Variants in TAF6 observed in about 807,000 individuals in gnomAD.
The protein encoded by TAF6 is TATA-box binding protein associated factor 6, also known as transcription initiation factor TFIID subunit 6.
In TAF6, 50 loss-of-function variants were observed where a neutral mutation model predicts 73.5. The ratio of observed to expected loss-of-function variants is 0.68; its 90% CI spans 0.54 to 0.86. TAF6 has a LOEUF of 0.86. TAF6 is among the 40% of genes least tolerant of loss of function. The pLI is 0.00. For missense variants in TAF6, 768 were observed against 899.5 expected (o/e 0.85, Z 1.87); for synonymous variants, 424 against 376.7 (o/e 1.13, Z -1.45).
upstream of TAF6, chr7:100,119,802 T>G: frequency 6.2e-7 from 1 of 1,614,122 alleles, no homozygotes; most frequent in Non-Finnish European, 8.5e-7. Context: ...GCACGAGGCT[T>G]GGGCTGGGAT....
intron 1 of TAF6, among the ~76,000 whole-genome samples, chr7:100,114,885 C>T (rs184874703): frequency 1.3e-5 from 2 of 152,190 alleles, no homozygotes; most frequent in Non-Finnish European, 2.9e-5. Flanking sequence ...TATGCAGGCA[C>T]AGGGCTGTTG....
rs376394639 is a variant in TAF6 at position 100,107,549 on chromosome 7, G to A, written c.1731C>T (p.Ser577=). ...AGACCAACTTGACGATGGGCTGCAC[G>A]CTGGGGACGGTGGTGGTGACGGGCG... The part of the protein sequence containing the change: ...TTSPVTTTVP[S]VQPIVKLVST... The change falls in exon 15 of 15, where the codon AGC becomes AGT. Residue 577 remains serine, a synonymous_variant. Coordinates refer to ENST00000453269, the MANE Select transcript of TAF6 (RefSeq NM_139315.3). The A allele has an allele frequency of 3.5e-5, 56 of 1,613,962 alleles. No individual in the cohort carries two copies. Among genetic ancestry groups the A allele is most frequent in the Middle Eastern group, 1.6e-4 (1 of 6,078 alleles).
At chr7:100,120,310 G>A, upstream of TAF6, 1 of 154,446 alleles carries the variant, frequency 6.5e-6, no homozygotes, top group South Asian at 1.9e-4. Flanking sequence ...GAGGGGGTTT[G>A]AGGGTGAGTA....
upstream of TAF6, chr7:100,122,829 G>C (rs748481588): frequency 4.3e-6 from 7 of 1,614,022 alleles, no homozygotes; most frequent in East Asian, 6.7e-5. Flanking sequence ...AGTGCAGAAG[G>C]GGGTGAAGGT....
chr7:100,116,259 T>C (rs1292823019), intron 1 of TAF6, among the ~76,000 whole-genome samples: 1 of 152,006 alleles, frequency 6.6e-6, no homozygotes, highest in South Asian at 2.1e-4. Context: ...GCTCAGCTCA[T>C]GCCTGTAATC....
At chr7:100,111,672 G>T in intron 9 of TAF6, 56 bp downstream of exon 9, 2 of 1,567,690 alleles carry the variant, frequency 1.3e-6, no homozygotes, top group Non-Finnish European at 1.8e-6. Context: ...CTGACTTCCT[G>T]TTGGTGGCAG....
chr7:100,114,377 C>T lies in TAF6; in HGVS notation c.-59-109G>A, dbSNP rs1797502083. On this transcript the variant is annotated intron_variant, in intron 1 of 14. Transcript: ENST00000453269. ...GGGAGGAACTCCGAGTGTCTTATGT[C>T]CATCCCCACGTGAGTCAGCCCTGAG... 6 of 1,118,568 alleles carry T rather than the reference C, an allele frequency of 5.4e-6. No homozygotes were observed. In the East Asian group the frequency reaches 1.3e-4, roughly 24 times the overall value. 69.3% of individuals were successfully genotyped at this position (1,118,568 alleles called of 1,614,324 possible).
At chr7:100,110,315 AAGGATGATTGAC>A in intron 10 of TAF6, 41 bp from the exon 11 acceptor site, 3 of 1,606,238 alleles carry the variant, frequency 1.9e-6, no homozygotes, top group Non-Finnish European at 1.7e-6. Flanking sequence ...AGGGGTCTGA[AAGGATGATTGAC>A]AGGGACCTAA....
rs145591068 is a variant in TAF6 at position 100,107,510 on chromosome 7, G to A, written c.1770C>T (p.Thr590=). 370 of 1,614,134 alleles carry A rather than the reference G, an allele frequency of 2.3e-4. 6 individuals are homozygous for A. The Middle Eastern group carries it at 9.6e-3, about 42-fold the overall frequency. Residue 590 remains threonine, a synonymous_variant, in exon 15 of 15, where the codon ACC becomes ACT. Coordinates refer to ENST00000453269, the MANE Select transcript of TAF6 (RefSeq NM_139315.3). ...PIVKLVSTAT[T]APPSTAPSGP... ...CAGAGGGAGCAGTGCTGGGGGGTGCGGTGGTGGCGGTGGAGACCAACTTGA... is the reference window on the plus strand; with the variant it reads ...CAGAGGGAGCAGTGCTGGGGGGTGCAGTGGTGGCGGTGGAGACCAACTTGA...
intron 6 of TAF6, 116 bp from the exon 7 acceptor site, chr7:100,112,369 C>T (rs1391750307): frequency 2.1e-6 from 3 of 1,399,954 alleles, no homozygotes; most frequent in Non-Finnish European, 2.9e-6. Flanking sequence ...TCTTCTTAGG[C>T]TCCCCCATCC....
intron 12 of TAF6, among the ~76,000 whole-genome samples, chr7:100,109,696 G>A (rs532141014): frequency 6.6e-5 from 10 of 151,470 alleles, no homozygotes; most frequent in African/African-American, 1.7e-4. Context: ...ATCTCGCTAC[G>A]TTGTCCAGGC....
At chr7:100,114,600 A>G (rs1797522954) in intron 1 of TAF6, 1 of 535,268 alleles carries the variant, frequency 1.9e-6, no homozygotes, top group Admixed American at 3.2e-5. Context: ...CACACCTGTA[A>G]TCCCAGCTAC....
At chr7:100,121,108 A>ATTTTTTTTTTTTTT (rs1562938218), upstream of TAF6, 1 of 17,894 alleles carries the variant, frequency 5.6e-5, no homozygotes, top group Non-Finnish European at 1.3e-4. Flanking sequence ...ATATATATAT[A>ATTTTTTTTTTTTTT]TATATATATT....
chr7:100,119,323 GCTCAC>G lies in TAF6; in HGVS notation c.-184_-180del. 1 of 1,035,078 alleles carries G rather than the reference GCTCAC, an allele frequency of 9.7e-7. No individual in the cohort carries two copies. The highest frequency in any genetic ancestry group is 1.2e-6 in the Non-Finnish European group (1 of 859,556). The allele number at this position is 1,035,078 out of a possible 1,614,324, so 64.1% of individuals were successfully genotyped here. A position where few individuals can be genotyped will look rare whatever the true frequency, so the allele number is the denominator to read the frequency against. On this transcript the variant is annotated 5_prime_UTR_variant, in exon 1 of 15. The change abolishes the stop of an existing upstream ORF in the 5' untranslated region. Transcript: ENST00000453269. ...AAACTCTAGCGGCAGCCGAGACGCT[GCTCAC>G]CCGGCGCTCGGCGCCATCTTGGCCC...
chr7:100,111,921 C>T lies in TAF6; in HGVS notation c.798+1G>A. On this transcript the variant is annotated splice_donor_variant, in intron 8 of 14. Transcript: ENST00000453269. LOFTEE classifies it high-confidence loss of function. ...TGCACTGTGGAACCTCATGCTCTCA[C>T]CCCCTCCGAGATAAAGGTACTGAAC... 1 of 1,614,188 alleles carries T rather than the reference C, an allele frequency of 6.2e-7. No individual in the cohort carries two copies. The highest frequency in any genetic ancestry group is 8.5e-7 in the Non-Finnish European group (1 of 1,180,032).
At chr7:100,117,271 T>A (rs1223967292) in intron 1 of TAF6, among the ~76,000 whole-genome samples, 1 of 148,008 alleles carries the variant, frequency 6.8e-6, no homozygotes, top group Non-Finnish European at 1.5e-5. Context: ...AGGGCTCTTT[T>A]TTTTTTTTTT....
At chr7:100,125,108 C>G in the TAF6 span, 5 of 535,798 alleles carry the variant, frequency 9.3e-6, no homozygotes, top group African/African-American at 5.7e-5. Context: ...TAGAGATGAA[C>G]TCTATCCAGC....
chr7:100,118,853 T>C (rs753873996), intron 1 of TAF6: 15 of 985,218 alleles, frequency 1.5e-5, no homozygotes, highest in Non-Finnish European at 1.8e-5. Context: ...GTCTTATCTA[T>C]AGGGAACACA....
At position 100,114,115 on chromosome 7, in the gene TAF6, T is replaced by C. The variant is rs1233238581; in HGVS notation, c.95A>G (p.Gln32Arg). Residue 32 changes from glutamine to arginine, a missense_variant, in exon 2 of 15, where the codon CAG becomes CGG. By Grantham distance (43) the Gln-to-Arg change is conservative. Around this residue, in one of 5 missense-constraint regions of TAF6, gnomAD observed 269 missense variants for 268.0 expected, o/e 1.00. Transcript: ENST00000453269. ...VAESMGIAQI[Q>R]EETCQLLTDE... ...CGTTAGCAGCTGGCAGGTCTCCTCC[T>C]GAATCTGGGCGATGCCCATGGATTC... The C allele has an allele frequency of 6.2e-7, 1 of 1,614,244 alleles. No individual in the cohort carries two copies. The highest frequency in any genetic ancestry group is 2.2e-5 in the East Asian group (1 of 44,886).
Sources: gnomAD v4.1 joint callset for allele counts (sites outside exome capture counted in the v4.1 genomes callset) on GRCh38, gnomAD v4.1.1 for gene constraint, gnomAD v4.1.1 regional missense constraint, MANE v1.5 for transcripts, NCBI Gene and HGNC (gene_info 2026-07-23, HGNC 2026-07-21) for gene names.